The following CHN1 variants were observed in gnomAD, a reference collection of about 807,000 sequenced individuals.
The protein encoded by CHN1 is chimerin 1, also known as N-chimaerin.
CHN1 carries 37 observed loss-of-function variants against 59.5 expected under a neutral mutation model. That is an observed-to-expected ratio of 0.62 (90% CI 0.48 to 0.82). CHN1 has a LOEUF of 0.82. CHN1 is among the 40% of genes least tolerant of loss of function. CHN1 has a pLI of 0.00. For synonymous variants in CHN1, 206 were observed against 200.4 expected (o/e 1.03, Z -0.24); for missense variants, 469 against 571.0 (o/e 0.82, Z 1.82).
At chr2:174,989,734 G>A (rs1691474730) in intron 1 of CHN1, among the ~76,000 whole-genome samples, 1 of 151,458 alleles carries the variant, frequency 6.6e-6, no homozygotes, top group African/African-American at 2.4e-5. Context: ...AGGCTGCAGT[G>A]AGCAGTGATC....
intron 3 of CHN1, among the ~76,000 whole-genome samples, chr2:174,921,918 C>T (rs1255601763): frequency 6.6e-6 from 1 of 152,162 alleles, no homozygotes; most frequent in Non-Finnish European, 1.5e-5. Flanking sequence ...TGGGTGAGGA[C>T]ACAGCCAAAC....
At chr2:174,811,426 A>G (rs373474936) in intron 10 of CHN1, 85 bp downstream of exon 10, 1 of 855,758 alleles carries the variant, frequency 1.2e-6, no homozygotes, top group East Asian at 2.7e-5. Context: ...TAGAAAAATA[A>G]TGCAAAAAAT....
At chr2:174,836,048 C>G (rs1479775409) in intron 7 of CHN1, among the ~76,000 whole-genome samples, 5 of 152,192 alleles carry the variant, frequency 3.3e-5, no homozygotes, top group Non-Finnish European at 7.3e-5. Flanking sequence ...TCTCCTCAGG[C>G]AGTCTCTGCC....
At chr2:174,925,917 C>T (rs1046795031) in intron 3 of CHN1, among the ~76,000 whole-genome samples, 3 of 152,146 alleles carry the variant, frequency 2.0e-5, no homozygotes, top group African/African-American at 7.2e-5. Context: ...GTTCTCTGGG[C>T]CTTGTTACTC....
At chr2:174,846,472 T>C in intron 7 of CHN1, 1 of 1,490,648 alleles carries the variant, frequency 6.7e-7, no homozygotes, top group Non-Finnish European at 8.9e-7. Context: ...TCAATCCAGA[T>C]GCAACAGCAC....
chr2:174,966,734 A>G (rs1043592829), intron 1 of CHN1, among the ~76,000 whole-genome samples: 1 of 152,208 alleles, frequency 6.6e-6, no homozygotes, highest in African/African-American at 2.4e-5. Context: ...AGACAAGTCA[A>G]ATCTGAGGTG....
chr2:174,846,961 C>A lies in CHN1; in HGVS notation c.550-4G>T. 1 of 1,553,556 alleles carries A rather than the reference C, an allele frequency of 6.4e-7. No individual in the cohort carries two copies. The highest frequency in any genetic ancestry group is 8.7e-7 in the Non-Finnish European group (1 of 1,147,684). Reference sequence around the variant, plus strand: ...CTCTTCTAACAAGTGATGTCAACTGCGAATAAGCAAAGAGTTTCAGAGGTT... The same window carrying A: ...CTCTTCTAACAAGTGATGTCAACTGAGAATAAGCAAAGAGTTTCAGAGGTT... On this transcript the variant is annotated splice_region_variant and splice_polypyrimidine_tract_variant and intron_variant, in intron 6 of 12. Coordinates refer to ENST00000409900, the MANE Select transcript of CHN1 (RefSeq NM_001822.7).
rs1481288184 is a variant in CHN1 at position 174,801,743 on chromosome 2, C to T, written c.1172G>A (p.Cys391Tyr). The T allele has an allele frequency of 6.2e-7, 1 of 1,613,492 alleles. No homozygotes were observed. Among genetic ancestry groups the T allele is most frequent in the Non-Finnish European group, 8.5e-7 (1 of 1,179,532 alleles). ...TGCCATGAGGTACCGGAGGGTTTCG[C>T]AGTGAGCAGGTGGCAGTAGTTTCAG... is the stretch of plus-strand genomic sequence containing the variant. ...EALKLLPPAH[C>Y]ETLRYLMAHL... Residue 391 changes from cysteine to tyrosine, a missense_variant, in exon 12 of 13, where the codon TGC becomes TAC. This residue lies in a region of CHN1 where 225 missense variants were observed against 289.9 expected (regional missense o/e 0.78). Transcript: ENST00000409900.
chr2:174,921,098 T>C lies in CHN1; in HGVS notation c.115-2533A>G, dbSNP rs928418786. The C allele has an allele frequency of 1.1e-5, 4 of 367,116 alleles. 1 individual carries two copies. The highest frequency in any genetic ancestry group is 8.6e-4 in the Middle Eastern group (2 of 2,322). The allele number at this position is 367,116 out of a possible 1,614,324, so 22.7% of individuals were successfully genotyped here. On this transcript the variant is annotated intron_variant, in intron 3 of 12. Coordinates refer to ENST00000409900, the MANE Select transcript of CHN1 (RefSeq NM_001822.7). ...TGTGGGCAATGGGGAGCGGCTGTAG[T>C]TGAAGCTTCGCTGGCTCACCTACCA... is the stretch of plus-strand genomic sequence containing the variant.
At position 174,863,275 on chromosome 2, in the gene CHN1, T is replaced by C. The variant is rs142719737; in HGVS notation, c.549+14565A>G. On this transcript the variant is annotated intron_variant, in intron 6 of 12. Transcript: ENST00000409900. ...GTTGAAAGATCCATTTGAAGTTCAA[T>C]AGACCAATGGGTTTCAGTGTAACAG... 1.7e-3 allele frequency among the ~76,000 whole-genome samples: 260 copies of C among 152,288 alleles called. 1 individual carries two copies. The highest frequency in any genetic ancestry group is 0.015 in the East Asian group (78 of 5,174).
At chr2:174,998,562 G>C (rs1691787030) in intron 1 of CHN1, among the ~76,000 whole-genome samples, 1 of 152,176 alleles carries the variant, frequency 6.6e-6, no homozygotes, top group South Asian at 2.1e-4. Flanking sequence ...AGTGGAAAGA[G>C]AAAGGAAACA....
In CHN1 at chr2:174,915,186, C is replaced by T. The variant is rs763443697; in HGVS notation, c.147-15G>A. ...TGCCATGAAACCTAAGAAACAAAGT[C>T]TATTCAGAAACTGTGCTTTCTACAT... On this transcript the variant is annotated splice_polypyrimidine_tract_variant and intron_variant, in intron 4 of 12. Coordinates refer to ENST00000409900, the MANE Select transcript of CHN1 (RefSeq NM_001822.7). 1.9e-5 allele frequency: 30 copies of T among 1,580,882 alleles called. No homozygotes were observed. The highest frequency in any genetic ancestry group is 2.6e-5 in the Non-Finnish European group (30 of 1,156,100).
intron 1 of CHN1, among the ~76,000 whole-genome samples, chr2:174,976,704 GAAGAA>G (rs1048871549): frequency 5.3e-5 from 8 of 152,116 alleles, no homozygotes; most frequent in Non-Finnish European, 1.0e-4. Context: ...TAATTTTGTT[GAAGAA>G]AAGAGAGCCA....
chr2:174,848,260 C>A (rs1686607888), intron 6 of CHN1, among the ~76,000 whole-genome samples: 1 of 152,066 alleles, frequency 6.6e-6, no homozygotes, highest in South Asian at 2.1e-4. Flanking sequence ...ATAGTGGAAG[C>A]CAGTTGGGAA....
intron 5 of CHN1, among the ~76,000 whole-genome samples, chr2:174,881,043 T>C (rs1215089570): frequency 1.4e-5 from 2 of 138,680 alleles, no homozygotes; most frequent in African/African-American, 2.9e-5. Context: ...TGAAACTCCA[T>C]CTCAAAAAAA....
intron 6 of CHN1, among the ~76,000 whole-genome samples, chr2:174,865,909 T>C (rs545593628): frequency 6.6e-6 from 1 of 152,342 alleles, no homozygotes; most frequent in Admixed American, 6.5e-5. Context: ...TGGTCATCTA[T>C]GAAGCTGAGT....
Position 174,847,773 on chromosome 2 carries a change from C to CAAAAAAAAAAAAAA in CHN1, c.550-830_550-817dup, listed in dbSNP as rs71031072. ...AAGTAAGTTTCTTGCTGGCTCAAGGCAAAAAAAAAAAAAAAAAAAAAAAAA... is the reference window on the plus strand; with the variant it reads ...AAGTAAGTTTCTTGCTGGCTCAAGGCAAAAAAAAAAAAAAAAAAAAAAAAAAAAAAAAAAAAAAA... On this transcript the variant is annotated intron_variant, in intron 6 of 12. Coordinates refer to ENST00000409900, the MANE Select transcript of CHN1 (RefSeq NM_001822.7). 3.1e-4 allele frequency: 74 copies of CAAAAAAAAAAAAAA among 238,424 alleles called. 9 individuals are homozygous for CAAAAAAAAAAAAAA. The African/African-American group carries it at 3.5e-3, about 11-fold the overall frequency. The allele number at this position is 238,424 out of a possible 1,614,324, so 14.8% of individuals were successfully genotyped here. A position where few individuals can be genotyped will look rare whatever the true frequency, so the allele number is the denominator to read the frequency against.
intron 1 of CHN1, among the ~76,000 whole-genome samples, chr2:174,973,238 A>C (rs183189648): frequency 1.5e-3 from 228 of 152,336 alleles, no homozygotes; most frequent in African/African-American, 5.1e-3. Context: ...ATGCTTCAAC[A>C]TATGATATGC....
At chr2:174,931,813 T>C (rs1246968761) in intron 3 of CHN1, among the ~76,000 whole-genome samples, 4 of 151,806 alleles carry the variant, frequency 2.6e-5, no homozygotes, top group Admixed American at 2.6e-4. Flanking sequence ...GAGCCAAGAG[T>C]GTATCAGAGA....
Sources: allele counts gnomAD v4.1 joint callset (sites outside exome capture counted in the v4.1 genomes callset), GRCh38; gene constraint gnomAD v4.1.1; regional missense constraint gnomAD v4.1.1; transcripts MANE v1.5; gene names NCBI Gene and HGNC (gene_info 2026-07-23, HGNC 2026-07-21).